The following PCDHGA9 variants were observed in gnomAD, a reference collection of about 807,000 sequenced individuals.
PCDHGA9 encodes protocadherin gamma-A9.
PCDHGA9 carries 37 observed loss-of-function variants against 62.5 expected under a neutral mutation model. That is an observed-to-expected ratio of 0.59 (90% CI 0.46 to 0.78). The LOEUF (loss-of-function observed/expected upper bound fraction) is 0.78, where lower values mean the gene tolerates loss of function less well. Among genes scored for constraint, PCDHGA9 ranks in the 30% least tolerant of loss-of-function variants. The pLI is 0.00. For synonymous variants in PCDHGA9, 459 were observed against 484.6 expected (o/e 0.95, Z 0.69); for missense variants, 1,138 against 1,166.2 (o/e 0.98, Z 0.35).
In PCDHGA9 at chr5:141,404,997, C is replaced by A. The variant is rs2154535986; in HGVS notation, c.2045C>A (p.Ala682Glu). Residue 682 changes from alanine to glutamate, a missense_variant, in exon 1 of 4, where the codon GCA (alanine) becomes GAA (glutamate). Physicochemically the swap from Ala to Glu is moderately radical, Grantham distance 107. Transcript: ENST00000573521. The stretch of plus-strand genomic sequence containing the variant: ...GACCTGGGCAGTCTTCAGATCCCTG[C>A]AGACCTGGAGGCCTCAGACCTTACC... ...LADLGSLQIP[A>E]DLEASDLTLY... 1 of 1,614,034 alleles carries A rather than the reference C, an allele frequency of 6.2e-7. No individual in the cohort carries two copies. The highest frequency in any genetic ancestry group is 2.2e-5 in the East Asian group (1 of 44,884).
At chr5:141,438,591 CATAT>C (rs946798767) in intron 1 of PCDHGA9, among the ~76,000 whole-genome samples, 213 of 75,464 alleles carry the variant, frequency 2.8e-3, no homozygotes, top group African/African-American at 5.5e-3. Flanking sequence ...TACATACATA[CATAT>C]ATATATATAT....
chr5:141,420,205 C>T (rs776838072), intron 1 of PCDHGA9: 14 of 1,612,942 alleles, frequency 8.7e-6, no homozygotes, highest in African/African-American at 1.3e-5. Context: ...ATAACCTCAA[C>T]AAAGATAGCA....
At chr5:141,419,781 G>A in intron 1 of PCDHGA9, 1 of 1,614,032 alleles carries the variant, frequency 6.2e-7, no homozygotes, top group Non-Finnish European at 8.5e-7. Flanking sequence ...GTCCGCCAGC[G>A]CCTGCTAGTC....
Position 141,476,889 on chromosome 5 carries a change from C to T in PCDHGA9, c.2425-17918C>T. ...CGGGCGCGCGTCCTGGAGGATGCAC[C>T]CTCCGGCACGCGCGTGGTACAAGTC... is the stretch of plus-strand genomic sequence containing the variant. On this transcript the variant is annotated intron_variant, in intron 1 of 3. Transcript: ENST00000573521. This position sits in a 1 kb window ranked among gnomAD's most constrained non-coding sequence, Gnocchi z 7.6. 6.2e-7 allele frequency: 1 copy of T among 1,613,960 alleles called. No individual in the cohort carries two copies. The highest frequency in any genetic ancestry group is 8.5e-7 in the Non-Finnish European group (1 of 1,180,034).
chr5:141,486,884 C>G lies in PCDHGA9; in HGVS notation c.2425-7923C>G, dbSNP rs1272694679. On this transcript the variant is annotated intron_variant, in intron 1 of 3. Transcript: ENST00000573521. The surrounding 1 kb of genome is among the most constrained non-coding windows in gnomAD (Gnocchi z 5.0). ...TCCAGCTGTGCTCCGTCCTCGGGCC[C>G]GGCCTGGTTCCTTATGTCCCCAAGC... The G allele has an allele frequency of 6.2e-7, 1 of 1,614,224 alleles. No homozygotes were observed. The highest frequency in any genetic ancestry group is 8.5e-7 in the Non-Finnish European group (1 of 1,180,046).
At chr5:141,413,330 T>C (rs770842309) in intron 1 of PCDHGA9, 1 of 1,613,930 alleles carries the variant, frequency 6.2e-7, no homozygotes. Context: ...GTGGGCAACA[T>C]CTCCAAGGAC....
In PCDHGA9 at chr5:141,490,410, T is replaced by C. The variant is rs2099699827; in HGVS notation, c.2425-4397T>C. ...ATGGTGAAGTGAGCCTTGATATCTC[T>C]CCGGACCTGCCATTTCAGATTAAGC... On this transcript the variant is annotated intron_variant, in intron 1 of 3. Coordinates refer to ENST00000573521, the MANE Select transcript of PCDHGA9 (RefSeq NM_018921.3). The surrounding 1 kb of genome is among the most constrained non-coding windows in gnomAD (Gnocchi z 5.4). 1 of 1,614,172 alleles carries C rather than the reference T, an allele frequency of 6.2e-7. No individual in the cohort carries two copies. Among genetic ancestry groups the C allele is most frequent in the Non-Finnish European group, 8.5e-7 (1 of 1,180,042 alleles).
chr5:141,444,640 G>A (rs192148868), intron 1 of PCDHGA9, among the ~76,000 whole-genome samples: 3 of 152,196 alleles, frequency 2.0e-5, no homozygotes, highest in Non-Finnish European at 2.9e-5. Flanking sequence ...GTTCATTGAG[G>A]TAGGGGTTGA....
In PCDHGA9 at chr5:141,493,233, G is replaced by T. The variant is rs1335823475; in HGVS notation, c.2425-1574G>T. ...TTTGCTCTTCCCACCATTGCTGTTG[G>T]CTAGGTACTAACATGCCTCTCTTAT... is the stretch of plus-strand genomic sequence containing the variant. On this transcript the variant is annotated intron_variant, in intron 1 of 3. Coordinates refer to ENST00000573521, the MANE Select transcript of PCDHGA9 (RefSeq NM_018921.3). This position sits in a 1 kb window ranked among gnomAD's most constrained non-coding sequence, Gnocchi z 4.3. 6.6e-6 allele frequency among the ~76,000 whole-genome samples: 1 copy of T among 152,172 alleles called. No homozygotes were observed. The highest frequency in any genetic ancestry group is 2.1e-4 in the South Asian group (1 of 4,828).
In PCDHGA9 at chr5:141,471,102, G is replaced by A. The variant is rs922174682; in HGVS notation, c.2425-23705G>A. 3.4e-5 allele frequency among the ~76,000 whole-genome samples: 5 copies of A among 146,522 alleles called. No individual in the cohort carries two copies. The Admixed American group carries it at 3.5e-4, about 10-fold the overall frequency. On this transcript the variant is annotated intron_variant, in intron 1 of 3. Coordinates refer to ENST00000573521, the MANE Select transcript of PCDHGA9 (RefSeq NM_018921.3). ...CTCCCTCTGTTGTCCAGGCTAGAGTGCAGTGGTGCGATCTTACCTTCACTG... is the reference window on the plus strand; with the variant it reads ...CTCCCTCTGTTGTCCAGGCTAGAGTACAGTGGTGCGATCTTACCTTCACTG...
At chr5:141,462,314 A>C (rs1283684392) in intron 1 of PCDHGA9, among the ~76,000 whole-genome samples, 1 of 152,186 alleles carries the variant, frequency 6.6e-6, no homozygotes, top group Non-Finnish European at 1.5e-5. Flanking sequence ...TATATTTGTC[A>C]CTGATTTCTA....
In PCDHGA9 at chr5:141,432,177, CTG is replaced by C. The variant is rs769631339; in HGVS notation, c.2424+26804_2424+26805del. 4 of 1,614,102 alleles carry C rather than the reference CTG, an allele frequency of 2.5e-6. No homozygotes were observed. Among genetic ancestry groups the C allele is most frequent in the Admixed American group, 1.7e-5 (1 of 60,012 alleles). ...AATCCCAGAGGAGTTTCCCTCGTCT[CTG>C]TGACCGCCCACGACCCCGACTGTGA... On this transcript the variant is annotated intron_variant, in intron 1 of 3. Transcript: ENST00000573521. The surrounding 1 kb of genome is among the most constrained non-coding windows in gnomAD (Gnocchi z 6.0).
chr5:141,489,150 TAA>T lies in PCDHGA9; in HGVS notation c.2425-5656_2425-5655del. 1.2e-6 allele frequency: 1 copy of T among 862,654 alleles called. No homozygotes were observed. Among genetic ancestry groups the T allele is most frequent in the Non-Finnish European group, 1.7e-6 (1 of 575,074 alleles). The allele number at this position is 862,654 out of a possible 1,614,324, so 53.4% of individuals were successfully genotyped here. On this transcript the variant is annotated intron_variant, in intron 1 of 3. Coordinates refer to ENST00000573521, the MANE Select transcript of PCDHGA9 (RefSeq NM_018921.3). This position sits in a 1 kb window ranked among gnomAD's most constrained non-coding sequence, Gnocchi z 4.5. ...GTTTTTAAGAGGCTGGAAGGAGACA[TAA>T]GAGACTTCAGCTGCTGCATTCCAAG... is the stretch of plus-strand genomic sequence containing the variant.
At position 141,485,060 on chromosome 5, in the gene PCDHGA9, G is replaced by A. The variant is rs191055161; in HGVS notation, c.2425-9747G>A. 155 of 862,304 alleles carry A rather than the reference G, an allele frequency of 1.8e-4. No individual in the cohort carries two copies. The African/African-American group carries it at 2.3e-3, about 13-fold the overall frequency. 53.4% of individuals were successfully genotyped at this position (862,304 alleles called of 1,614,324 possible). ...ACCCTTGCGGCGCCGGCCGAACCGCGCCAGAGCTGGCGCGGGGAAAGGGAG... is the reference window on the plus strand; with the variant it reads ...ACCCTTGCGGCGCCGGCCGAACCGCACCAGAGCTGGCGCGGGGAAAGGGAG... On this transcript the variant is annotated intron_variant, in intron 1 of 3. Transcript: ENST00000573521. This position sits in a 1 kb window ranked among gnomAD's most constrained non-coding sequence, Gnocchi z 5.7.
At position 141,486,418 on chromosome 5, in the gene PCDHGA9, A is replaced by G. The variant is rs1174910867; in HGVS notation, c.2425-8389A>G. On this transcript the variant is annotated intron_variant, in intron 1 of 3. Transcript: ENST00000573521. This position sits in a 1 kb window ranked among gnomAD's most constrained non-coding sequence, Gnocchi z 5.0. ...TGGTGACTGCTGGACCCTTGGATCG[A>G]GAGGCCAAATCTAGCTATGACATCA... is the stretch of plus-strand genomic sequence containing the variant. The G allele has an allele frequency of 3.7e-6, 6 of 1,614,176 alleles. No individual in the cohort carries two copies. Among genetic ancestry groups the G allele is most frequent in the Non-Finnish European group, 5.1e-6 (6 of 1,180,020 alleles).
chr5:141,495,032 G>T, intron 2 of PCDHGA9, 167 bp downstream of exon 2: 1 of 967,732 alleles, frequency 1.0e-6, no homozygotes, highest in Non-Finnish European at 1.2e-6. Flanking sequence ...GACCCCGGAA[G>T]GAAGAGGCGA....
At position 141,476,356 on chromosome 5, in the gene PCDHGA9, C is replaced by T. The variant is rs757679991; in HGVS notation, c.2425-18451C>T. The stretch of plus-strand genomic sequence containing the variant: ...CTAGCCGAAGATTCTTTGAGGTGAA[C>T]CGGGAGACCGGAGAGATGTTTGTGA... On this transcript the variant is annotated intron_variant, in intron 1 of 3. Coordinates refer to ENST00000573521, the MANE Select transcript of PCDHGA9 (RefSeq NM_018921.3). This position sits in a 1 kb window ranked among gnomAD's most constrained non-coding sequence, Gnocchi z 7.6. 6 of 1,613,958 alleles carry T rather than the reference C, an allele frequency of 3.7e-6. No individual in the cohort carries two copies. The African/African-American group carries it at 4.0e-5, about 11-fold the overall frequency.
chr5:141,482,288 C>G (rs1413786764), intron 1 of PCDHGA9, among the ~76,000 whole-genome samples: 1 of 152,078 alleles, frequency 6.6e-6, no homozygotes, highest in Non-Finnish European at 1.5e-5. Context: ...GTCTTTTAAT[C>G]TCTTTAAACT....
Position 141,402,996 on chromosome 5 carries a change from T to G in PCDHGA9, c.44T>G (p.Leu15Arg). 3 of 1,613,890 alleles carry G rather than the reference T, an allele frequency of 1.9e-6. No homozygotes were observed. The highest frequency in any genetic ancestry group is 1.7e-6 in the Non-Finnish European group (2 of 1,179,866). ...TKCQLRGRLVLLCSLLGMLWE... is the reference protein window; with the variant it reads ...TKCQLRGRLVRLCSLLGMLWE... ...TGCCAGCTCCGCGGAAGATTAGTCC[T>G]GCTATGCTCGCTCCTGGGGATGCTA... The change falls in exon 1 of 4, where the codon CTG becomes CGG. Residue 15 changes from leucine (L) to arginine (R), a missense_variant. Coordinates refer to ENST00000573521, the MANE Select transcript of PCDHGA9 (RefSeq NM_018921.3).
Sources: gnomAD v4.1 joint callset for allele counts (sites outside exome capture counted in the v4.1 genomes callset) on GRCh38, gnomAD v4.1.1 for gene constraint, Gnocchi (gnomAD v3.1) non-coding constraint, MANE v1.5 for transcripts, NCBI Gene and HGNC (gene_info 2026-07-23, HGNC 2026-07-21) for gene names.